The following NEO1 variants were observed in gnomAD, a reference collection of about 807,000 sequenced individuals.
NEO1 encodes neogenin.
NEO1 carries 63 observed loss-of-function variants against 159.7 expected under a neutral mutation model. That is an observed-to-expected ratio of 0.39 (90% CI 0.32 to 0.49). The LOEUF (loss-of-function observed/expected upper bound fraction) is 0.49, where lower values mean the gene tolerates loss of function less well. NEO1 is among the 20% of genes least tolerant of loss of function. NEO1 has a pLI of 0.85. For missense variants in NEO1, 1,615 were observed against 1,831.0 expected (o/e 0.88, Z 2.15); for synonymous variants, 633 against 662.0 (o/e 0.96, Z 0.67).
intron 8 of NEO1, among the ~76,000 whole-genome samples, chr15:73,242,517 A>T (rs1240716067): frequency 6.6e-6 from 1 of 152,028 alleles, no homozygotes; most frequent in Non-Finnish European, 1.5e-5. Flanking sequence ...AAAATACAAA[A>T]ATTAGCCGGG....
At chr15:73,170,582 A>G (rs954844964) in intron 5 of NEO1, among the ~76,000 whole-genome samples, 5 of 152,206 alleles carry the variant, frequency 3.3e-5, no homozygotes, top group African/African-American at 9.6e-5. Context: ...AATCAAAAGA[A>G]TAATAACCTG....
At chr15:73,136,894 C>A (rs1401513382) in intron 5 of NEO1, among the ~76,000 whole-genome samples, 1 of 152,122 alleles carries the variant, frequency 6.6e-6, no homozygotes, top group African/African-American at 2.4e-5. Context: ...CCTAGGAAGA[C>A]TGCTCCCAGT....
intron 19 of NEO1, 42 bp downstream of exon 19, chr15:73,272,604 T>A: frequency 7.4e-7 from 1 of 1,349,526 alleles, no homozygotes. Flanking sequence ...GCGCTCTTCC[T>A]GCCTGACAGG....
chr15:73,100,066 A>G (rs1398594181), intron 1 of NEO1, among the ~76,000 whole-genome samples: 2 of 152,078 alleles, frequency 1.3e-5, no homozygotes, highest in African/African-American at 2.4e-5. Flanking sequence ...TATCTACTTG[A>G]CTTGCATTCT....
chr15:73,268,572 A>G (rs1351427835), intron 16 of NEO1, among the ~76,000 whole-genome samples: 1 of 152,232 alleles, frequency 6.6e-6, no homozygotes, highest in East Asian at 1.9e-4. Flanking sequence ...AAATACACAA[A>G]TGGAGACTAT....
chr15:73,262,002 C>T (rs945743061), intron 15 of NEO1, among the ~76,000 whole-genome samples: 3 of 152,062 alleles, frequency 2.0e-5, no homozygotes, highest in African/African-American at 7.2e-5. Flanking sequence ...AGAAAAGCTG[C>T]TTAGATAATT....
intron 27 of NEO1, among the ~76,000 whole-genome samples, chr15:73,300,991 G>A (rs541296757): frequency 3.3e-4 from 50 of 152,258 alleles, no homozygotes; most frequent in African/African-American, 1.2e-3. Context: ...TCAGTGCAAA[G>A]GCAAACACAG....
At chr15:73,081,571 C>T (rs1281588475) in intron 1 of NEO1, among the ~76,000 whole-genome samples, 1 of 151,858 alleles carries the variant, frequency 6.6e-6, no homozygotes, top group Non-Finnish European at 1.5e-5. Context: ...ACAGCAAGTA[C>T]TAAGTGTTTT....
At chr15:73,130,992 T>TA (rs1403628191) in intron 4 of NEO1, among the ~76,000 whole-genome samples, 1 of 152,134 alleles carries the variant, frequency 6.6e-6, no homozygotes, top group Non-Finnish European at 1.5e-5. Context: ...CCTCCCCACT[T>TA]ACATGTTAAT....
intron 15 of NEO1, among the ~76,000 whole-genome samples, chr15:73,261,077 G>C (rs117052800): frequency 6.6e-6 from 1 of 152,006 alleles, no homozygotes; most frequent in Non-Finnish European, 1.5e-5. Context: ...TGGCCAATGG[G>C]AATCTCTTTA....
At chr15:73,051,698 T>G (rs1595869173), upstream of NEO1, 2 of 151,788 alleles carry the variant, frequency 1.3e-5, no homozygotes, top group East Asian at 3.9e-4. Flanking sequence ...GCGGCCCGGC[T>G]TGGGAGCCGG....
At chr15:73,113,665 G>C (rs998184896) in intron 1 of NEO1, among the ~76,000 whole-genome samples, 6 of 152,106 alleles carry the variant, frequency 3.9e-5, no homozygotes, top group Non-Finnish European at 7.4e-5. Flanking sequence ...TAAAAAGCAA[G>C]TACTATGCAA....
At chr15:73,248,905 TTATA>T (rs2039934270) in intron 9 of NEO1, among the ~76,000 whole-genome samples, 151 bp from the exon 10 acceptor site, 1 of 152,248 alleles carries the variant, frequency 6.6e-6, no homozygotes, top group Admixed American at 6.5e-5. Context: ...GAAAATGTGT[TTATA>T]TATTATTCTA....
Position 73,295,809 on chromosome 15 carries a change from A to G in NEO1, c.3901+2261A>G, listed in dbSNP as rs547485911. Among the ~76,000 whole-genome samples the G allele has an allele frequency of 8.5e-5, 13 of 152,234 alleles. No individual in the cohort carries two copies. In the East Asian group the frequency reaches 2.5e-3, roughly 30 times the overall value. Reference sequence around the variant, plus strand: ...AGCAGGGCCAGTCTCTGCTCTAAGGAGCATTCACTATGTCACCACCACTTG... The same window carrying G: ...AGCAGGGCCAGTCTCTGCTCTAAGGGGCATTCACTATGTCACCACCACTTG... On this transcript the variant is annotated intron_variant, in intron 26 of 28. Transcript: ENST00000261908.
intron 7 of NEO1, among the ~76,000 whole-genome samples, chr15:73,203,749 A>G (rs1567471797): frequency 6.6e-6 from 1 of 152,060 alleles, no homozygotes; most frequent in Non-Finnish European, 1.5e-5. Flanking sequence ...AGTATTCCCA[A>G]TTCTTCCCTC....
At chr15:73,288,951 T>C in intron 24 of NEO1, 195 bp from the exon 25 acceptor site, 1 of 586,154 alleles carries the variant, frequency 1.7e-6, no homozygotes, top group Non-Finnish European at 3.1e-6. Context: ...CATTGTGACA[T>C]CCACATTGAT....
chr15:73,124,491 C>T (rs187079789), intron 3 of NEO1, among the ~76,000 whole-genome samples: 1 of 152,264 alleles, frequency 6.6e-6, no homozygotes, highest in East Asian at 1.9e-4. Flanking sequence ...TCCTTTCTCT[C>T]CCCTATCCCA....
chr15:73,206,651 A>C (rs913098048), intron 7 of NEO1, among the ~76,000 whole-genome samples: 16 of 151,196 alleles, frequency 1.1e-4, no homozygotes, highest in African/African-American at 3.9e-4. Context: ...CATGTCCTTT[A>C]CTCTATGGAA....
At chr15:73,252,945 A>C (rs35450875) in intron 11 of NEO1, among the ~76,000 whole-genome samples, 64,049 of 152,014 alleles carry the variant, frequency 0.42, 14,485 homozygotes, top group Admixed American at 0.52. Flanking sequence ...AGCCGACATC[A>C]CGCCATTGTG....
Sources: gnomAD v4.1 joint callset for allele counts (sites outside exome capture counted in the v4.1 genomes callset) on GRCh38, gnomAD v4.1.1 for gene constraint, MANE v1.5 for transcripts, NCBI Gene and HGNC (gene_info 2026-07-23, HGNC 2026-07-21) for gene names.